The following NFASC variants were observed in gnomAD, a reference collection of about 807,000 sequenced individuals.
NFASC encodes the protein neurofascin.
NFASC carries 43 observed loss-of-function variants against 147.5 expected under a neutral mutation model. That is an observed-to-expected ratio of 0.29 (90% CI 0.23 to 0.38). The LOEUF (loss-of-function observed/expected upper bound fraction) is 0.38, where lower values mean the gene tolerates loss of function less well. Ranked by LOEUF, NFASC falls within the 10% of genes least tolerant of loss-of-function variation. NFASC has a pLI of 1.00. For missense variants in NFASC, 1,320 were observed against 1,689.0 expected, an observed-to-expected ratio of 0.78 and a Z score of 3.83; for synonymous variants, 622 against 665.5, an observed-to-expected ratio of 0.93 and a Z score of 1.01.
At chr1:204,959,367 C>T (rs1277928721) in intron 8 of NFASC, among the ~76,000 whole-genome samples, 1 of 152,216 alleles carries the variant, frequency 6.6e-6, no homozygotes, top group African/African-American at 2.4e-5. Flanking sequence ...CTTTCTCATT[C>T]CTGACCCAAG....
chr1:204,907,825 A>T (rs1558057941), intron 1 of NFASC, among the ~76,000 whole-genome samples: 1 of 152,236 alleles, frequency 6.6e-6, no homozygotes. Flanking sequence ...TGGAAATGTC[A>T]TTCTTGGGCT....
intron 14 of NFASC, 79 bp downstream of exon 14, chr1:204,974,902 A>C: frequency 6.9e-7 from 1 of 1,453,104 alleles, no homozygotes; most frequent in Non-Finnish European, 9.6e-7. Flanking sequence ...TACAATATTC[A>C]CATTGAAAAT....
At position 205,009,797 on chromosome 1, in the gene NFASC, C is replaced by G. The variant is rs2096216300; in HGVS notation, c.3421+109C>G. The G allele has an allele frequency of 2.5e-6, 3 of 1,179,320 alleles. No individual in the cohort carries two copies. In the African/African-American group the frequency reaches 4.5e-5, roughly 18 times the overall value. 73.1% of individuals were successfully genotyped at this position (1,179,320 alleles called of 1,614,324 possible). A position where few individuals can be genotyped will look rare whatever the true frequency, so the allele number is the denominator to read the frequency against. ...GAATGTGTTCTCTCAGTGAAGCCAG[C>G]CCTTGCCCGGATTGGAAATACAATC... On this transcript the variant is annotated intron_variant, in intron 28 of 29. Coordinates refer to ENST00000339876, the MANE Select transcript of NFASC (RefSeq NM_001005388.3).
rs141560388 is a variant in NFASC, at chr1:204,963,516, A to G, written c.707-4733A>G. ...ACGTACACATAGAGTTGTTTTATCAATGGAATAAGTTTGAGTGATTCCAGT... is the reference window on the plus strand; with the variant it reads ...ACGTACACATAGAGTTGTTTTATCAGTGGAATAAGTTTGAGTGATTCCAGT... On this transcript the variant is annotated intron_variant, in intron 8 of 29. Coordinates refer to ENST00000339876, the MANE Select transcript of NFASC (RefSeq NM_001005388.3). Among the ~76,000 whole-genome samples, 88 of 152,356 alleles carry G rather than the reference A, an allele frequency of 5.8e-4. No individual in the cohort carries two copies. In the East Asian group the frequency reaches 7.5e-3, roughly 13 times the overall value.
At chr1:204,831,097 G>A (rs978025664) in intron 1 of NFASC, among the ~76,000 whole-genome samples, 5 of 152,210 alleles carry the variant, frequency 3.3e-5, no homozygotes, top group Admixed American at 6.5e-5. Flanking sequence ...ACCTGCAGCC[G>A]TTGTTGAGAG....
At chr1:204,976,087 A>T (rs966261139) in intron 15 of NFASC, among the ~76,000 whole-genome samples, 1 of 152,082 alleles carries the variant, frequency 6.6e-6, no homozygotes, top group African/African-American at 2.4e-5. Context: ...CTGCAGTTGG[A>T]CACGGTACCA....
intron 1 of NFASC, among the ~76,000 whole-genome samples, chr1:204,831,449 C>T (rs1212599668): frequency 4.6e-5 from 7 of 151,272 alleles, no homozygotes; most frequent in Admixed American, 1.3e-4. Flanking sequence ...GGTGGGTGGG[C>T]CAGAGGAGGG....
intron 28 of NFASC, 71 bp from the exon 29 acceptor site, chr1:205,012,726 G>T (rs1009208029): frequency 4.3e-6 from 5 of 1,154,712 alleles, no homozygotes; most frequent in East Asian, 2.3e-5. Flanking sequence ...CCTGCATTCA[G>T]TGGAGCCCTA....
At position 204,980,308 on chromosome 1, in the gene NFASC, T is replaced by C. The variant is rs2095487402; in HGVS notation, c.2177-62T>C. On this transcript the variant is annotated intron_variant, in intron 19 of 29. Transcript: ENST00000339876. ...ACCCATCAGGTAGGACAGAGGAAGG[T>C]TCCTTACCTTGCCCTGGAAAGGCAC... The C allele has an allele frequency of 4.5e-6, 6 of 1,337,826 alleles. No homozygotes were observed. The Admixed American group carries it at 8.7e-5, about 19-fold the overall frequency. The allele number at this position is 1,337,826 out of a possible 1,614,324, so 82.9% of individuals were successfully genotyped here.
intron 2 of NFASC, among the ~76,000 whole-genome samples, chr1:204,940,423 C>T (rs1361129454): frequency 1.3e-5 from 2 of 152,118 alleles, no homozygotes; most frequent in South Asian, 2.1e-4. Context: ...ACTGCACTCC[C>T]GCCTGGGCAA....
intron 27 of NFASC, chr1:205,009,337 C>T: frequency 1.4e-6 from 1 of 694,814 alleles, no homozygotes; most frequent in Non-Finnish European, 2.6e-6. Context: ...TCCTTGTACC[C>T]CTTTCCTTTG....
intron 8 of NFASC, chr1:204,962,290 C>A (rs1573798796): frequency 2.7e-6 from 2 of 727,438 alleles, no homozygotes; most frequent in East Asian, 2.7e-5. Flanking sequence ...GTGACACCTC[C>A]AGAAGGCTGC....
Position 204,968,646 on chromosome 1 carries a change from C to A in NFASC, c.819-152C>A. On this transcript the variant is annotated intron_variant, in intron 9 of 29. Coordinates refer to ENST00000339876, the MANE Select transcript of NFASC (RefSeq NM_001005388.3). The surrounding 1 kb of genome is among the most constrained non-coding windows in gnomAD (Gnocchi z 5.4). The stretch of plus-strand genomic sequence containing the variant: ...CTTCAGGCTCTCTGTGGCTGAGCAT[C>A]CTCCTCTGCACAGGAAAGATCAGCT... 1.4e-6 allele frequency: 1 copy of A among 695,584 alleles called. No homozygotes were observed. Among genetic ancestry groups the A allele is most frequent in the Non-Finnish European group, 2.4e-6 (1 of 421,522 alleles). The allele number at this position is 695,584 out of a possible 1,614,324, so 43.1% of individuals were successfully genotyped here. A position where few individuals can be genotyped will look rare whatever the true frequency, so the allele number is the denominator to read the frequency against.
intron 1 of NFASC, among the ~76,000 whole-genome samples, chr1:204,836,783 A>T (rs1226630609): frequency 6.6e-6 from 1 of 152,282 alleles, no homozygotes; most frequent in East Asian, 1.9e-4. Context: ...TCCGATTATC[A>T]TCACACACTG....
chr1:204,894,418 T>C (rs978710812), intron 1 of NFASC, among the ~76,000 whole-genome samples: 3 of 152,230 alleles, frequency 2.0e-5, no homozygotes, highest in Admixed American at 1.3e-4. Flanking sequence ...CCTTGTAATT[T>C]AGTTTCAAAA....
At chr1:204,970,835 C>A in intron 11 of NFASC, 88 bp downstream of exon 11, 1 of 1,529,396 alleles carries the variant, frequency 6.5e-7, no homozygotes, top group South Asian at 1.2e-5. Flanking sequence ...GTGCTGGTCA[C>A]ACTAGAAGTT....
At chr1:204,965,294 C>T (rs1482997174) in intron 8 of NFASC, among the ~76,000 whole-genome samples, 1 of 152,144 alleles carries the variant, frequency 6.6e-6, no homozygotes, top group Non-Finnish European at 1.5e-5. Flanking sequence ...TCACTGTTGT[C>T]TTAGAGTCTT....
intron 1 of NFASC, among the ~76,000 whole-genome samples, chr1:204,833,229 A>T (rs572303767): frequency 6.6e-6 from 1 of 152,196 alleles, no homozygotes; most frequent in Non-Finnish European, 1.5e-5. Flanking sequence ...TAGGCACCCT[A>T]CTCTATGCTT....
intron 11 of NFASC, among the ~76,000 whole-genome samples, chr1:204,971,103 G>A (rs2095237066): frequency 6.6e-6 from 1 of 152,204 alleles, no homozygotes; most frequent in Admixed American, 6.5e-5. Context: ...TTTGAGTGAT[G>A]GCTGGGGCTG....
Sources: allele counts gnomAD v4.1 joint callset (sites outside exome capture counted in the v4.1 genomes callset), GRCh38; gene constraint gnomAD v4.1.1; non-coding constraint Gnocchi (gnomAD v3.1); transcripts MANE v1.5; gene names NCBI Gene and HGNC (gene_info 2026-07-23, HGNC 2026-07-21).